Variants in LRRIQ1 observed in about 807,000 individuals in gnomAD.
LRRIQ1 encodes the protein leucine-rich repeat- and IQ domain-containing protein 1.
Under a neutral mutation model 211.9 loss-of-function variants are expected in LRRIQ1, and 210 were observed. The ratio of observed to expected loss-of-function variants is 0.99; its 90% confidence interval spans 0.89 to 1.11. The LOEUF is 1.11. Among genes scored for constraint, LRRIQ1 ranks in the 50% most tolerant of loss-of-function variants. LRRIQ1 has a pLI of 0.00. For synonymous variants in LRRIQ1, 699 were observed against 650.1 expected, an observed-to-expected ratio of 1.08 and a Z score of -1.14; for missense variants, 2,136 against 1,939.5, an observed-to-expected ratio of 1.10 and a Z score of -1.90.
At chr12:85,252,813 G>A (rs1401864285) in intron 1 of LRRIQ1, among the ~76,000 whole-genome samples, 1 of 151,828 alleles carries the variant, frequency 6.6e-6, no homozygotes, top group Non-Finnish European at 1.5e-5. Context: ...TACCTTTGAA[G>A]TTATATATGG....
chr12:85,229,901 T>C (rs1894851503), intron 25 of LRRIQ1, among the ~76,000 whole-genome samples: 1 of 152,230 alleles, frequency 6.6e-6, no homozygotes, highest in African/African-American at 2.4e-5. Context: ...ATAATTCTAC[T>C]CTATAAAGTA....
At chr12:85,199,349 C>T (rs772177584) in intron 24 of LRRIQ1, among the ~76,000 whole-genome samples, 6 of 152,038 alleles carry the variant, frequency 3.9e-5, no homozygotes, top group African/African-American at 1.2e-4. Flanking sequence ...GTTATTCCAG[C>T]GCTTTTTATT....
rs373162982 is a variant in LRRIQ1, at chr12:85,056,014, C to A, written c.1221C>A (p.Asn407Lys). 6.2e-7 allele frequency: 1 copy of A among 1,605,918 alleles called. No homozygotes were observed. Among genetic ancestry groups the A allele is most frequent in the East Asian group, 2.2e-5 (1 of 44,612 alleles). Reference sequence around the variant, plus strand: ...CATTAAAGAAGAGCGGATATAATAACAAACATTTAAGTCTTGAAGATATTT... The same window carrying A: ...CATTAAAGAAGAGCGGATATAATAAAAAACATTTAAGTCTTGAAGATATTT... ...SSALKKSGYN[N>K]KHLSLEDISN... is the part of the protein sequence containing the mutation. Residue 407 changes from asparagine to lysine, a missense_variant, in exon 8 of 27, where the codon AAC (asparagine) becomes AAA (lysine). By Grantham distance (94) the Asn-to-Lys change is moderately conservative (BLOSUM62 0). Coordinates refer to ENST00000393217, the MANE Select transcript of LRRIQ1 (RefSeq NM_001079910.2).
At chr12:85,148,415 C>A (rs1347904644) in intron 19 of LRRIQ1, among the ~76,000 whole-genome samples, 3 of 151,830 alleles carry the variant, frequency 2.0e-5, no homozygotes, top group Non-Finnish European at 2.9e-5. Flanking sequence ...GTTTTCTGTT[C>A]CTATGTTAGT....
intron 24 of LRRIQ1, among the ~76,000 whole-genome samples, chr12:85,220,460 A>G (rs959904837): frequency 7.9e-5 from 12 of 151,930 alleles, no homozygotes; most frequent in African/African-American, 2.7e-4. Flanking sequence ...CTTTTCATGA[A>G]AAAAAGAATA....
intron 24 of LRRIQ1, among the ~76,000 whole-genome samples, chr12:85,216,177 G>A (rs1414017648): frequency 1.3e-5 from 2 of 151,878 alleles, no homozygotes; most frequent in African/African-American, 2.4e-5. Context: ...TCCTACCCCC[G>A]CACCCCCTGA....
chr12:85,078,068 C>G (rs1461606144), intron 11 of LRRIQ1, among the ~76,000 whole-genome samples: 1 of 151,956 alleles, frequency 6.6e-6, no homozygotes, highest in African/African-American at 2.4e-5. Flanking sequence ...CCCACCCCTT[C>G]CATCCAAGTG....
intron 18 of LRRIQ1, among the ~76,000 whole-genome samples, chr12:85,137,596 T>C (rs1342302156): frequency 6.6e-6 from 1 of 151,624 alleles, no homozygotes; most frequent in Non-Finnish European, 1.5e-5. Flanking sequence ...TTGACCTACA[T>C]GTGCAGTTGA....
At chr12:85,054,406 T>C (rs1880729495) in intron 7 of LRRIQ1, among the ~76,000 whole-genome samples, 1 of 152,214 alleles carries the variant, frequency 6.6e-6, no homozygotes, top group South Asian at 2.1e-4. Flanking sequence ...GAAATATTGC[T>C]AGCATCTGTC....
At chr12:85,174,701 C>CAAAAAAAAAAAAA (rs71076115) in intron 24 of LRRIQ1, among the ~76,000 whole-genome samples, 392 of 21,516 alleles carry the variant, frequency 0.018, 92 homozygotes, top group African/African-American at 0.07. Context: ...GAGTACAGCT[C>CAAAAAAAAAAAAA]AAAAAAAAAA....
At chr12:85,270,555 T>A in the LRRIQ1 span, among the ~76,000 whole-genome samples, 1 of 152,272 alleles carries the variant, frequency 6.6e-6, no homozygotes, top group South Asian at 2.1e-4. Context: ...ATATTCTTAA[T>A]GTAAATAGTT....
chr12:85,193,555 T>G (rs1892716326), intron 24 of LRRIQ1, among the ~76,000 whole-genome samples: 1 of 146,078 alleles, frequency 6.8e-6, no homozygotes, highest in Non-Finnish European at 1.5e-5. Context: ...ACCCAGAATT[T>G]CATATCCAGC....
intron 24 of LRRIQ1, among the ~76,000 whole-genome samples, chr12:85,216,191 G>T (rs765134588): frequency 6.6e-6 from 1 of 152,030 alleles, no homozygotes; most frequent in African/African-American, 2.4e-5. Flanking sequence ...CCCCTGACAG[G>T]CCCCGGTGTG....
chr12:85,191,808 CATTAT>C (rs1244186248), intron 24 of LRRIQ1, among the ~76,000 whole-genome samples: 2 of 151,852 alleles, frequency 1.3e-5, no homozygotes, highest in Non-Finnish European at 2.9e-5. Flanking sequence ...GGATATTCTC[CATTAT>C]ATTAAGTGGG....
At chr12:85,255,628 A>G (rs1327574162) in intron 1 of LRRIQ1, among the ~76,000 whole-genome samples, 1 of 151,748 alleles carries the variant, frequency 6.6e-6, no homozygotes, top group African/African-American at 2.4e-5. Flanking sequence ...AATTATTTTT[A>G]TTATTGTTAT....
downstream of LRRIQ1, among the ~76,000 whole-genome samples, chr12:85,267,081 C>G (rs945085405): frequency 6.6e-6 from 1 of 152,030 alleles, no homozygotes; most frequent in African/African-American, 2.4e-5. Context: ...AAATGTAAAA[C>G]TATTTTTTAA....
At chr12:85,059,719 C>G (rs554751716) in intron 8 of LRRIQ1, among the ~76,000 whole-genome samples, 1 of 151,706 alleles carries the variant, frequency 6.6e-6, no homozygotes, top group Non-Finnish European at 1.5e-5. Context: ...ATAAAGAATT[C>G]CAGTCGAAAT....
At chr12:85,037,255 C>G (rs1462640338) in intron 1 of LRRIQ1, among the ~76,000 whole-genome samples, 1 of 152,016 alleles carries the variant, frequency 6.6e-6, no homozygotes, top group Admixed American at 6.6e-5. Context: ...CAGGGGTGAT[C>G]TAATGAGCCA....
In LRRIQ1 at chr12:85,044,775, C is replaced by A. The variant is rs746853668; in HGVS notation, c.302C>A (p.Thr101Asn). 2 of 1,554,788 alleles carry A rather than the reference C, an allele frequency of 1.3e-6. No individual in the cohort carries two copies. Among genetic ancestry groups the A allele is most frequent in the Non-Finnish European group, 1.8e-6 (2 of 1,131,662 alleles). ...ATGCATTTAAGAACAGGACTATCAA[C>A]TGAATATGAAGAAAGTTCAGAGCAA... ...NHMHLRTGLS[T>N]EYEESSEQLI... is the part of the protein sequence containing the mutation. Residue 101 changes from threonine to asparagine, a missense_variant, in exon 4 of 27, where the codon ACT (threonine) becomes AAT (asparagine). Transcript: ENST00000393217.
Sources: allele counts gnomAD v4.1 joint callset (sites outside exome capture counted in the v4.1 genomes callset), GRCh38; gene constraint gnomAD v4.1.1; transcripts MANE v1.5; gene names NCBI Gene and HGNC (gene_info 2026-07-23, HGNC 2026-07-21).